The following AADACL2 variants were observed in gnomAD, a reference collection of about 807,000 sequenced individuals.
AADACL2 encodes the protein arylacetamide deacetylase-like 2.
Under a neutral mutation model 22.3 loss-of-function variants are expected in AADACL2, and 23 were observed. The ratio of observed to expected loss-of-function variants is 1.03; its 90% confidence interval spans 0.74 to 1.46. The LOEUF is 1.46. Among genes scored for constraint, AADACL2 ranks in the 40% most tolerant of loss-of-function variants. The pLI is 0.00. For synonymous variants in AADACL2, 177 were observed against 166.2 expected (o/e 1.07, Z -0.50); for missense variants, 472 against 482.9 (o/e 0.98, Z 0.21).
chr3:151,758,386 T>G lies in AADACL2; in HGVS notation c.*792T>G, dbSNP rs1714029514. On this transcript the variant is annotated 3_prime_UTR_variant, in exon 5 of 5. Transcript: ENST00000356517. ...TTACATTTAGGAGGGTCCACCTGAA[T>G]AGTCTAGGATAATCTCTGCATCTCA... The G allele has an allele frequency of 6.6e-6, 1 of 152,110 alleles. No homozygotes were observed. The highest frequency in any genetic ancestry group is 2.4e-5 in the African/African-American group (1 of 41,412). 9.4% of individuals were successfully genotyped at this position (152,110 alleles called of 1,614,324 possible).
chr3:151,753,018 A>G (rs958893710), intron 4 of AADACL2, among the ~76,000 whole-genome samples: 17 of 152,212 alleles, frequency 1.1e-4, no homozygotes, highest in African/African-American at 4.1e-4. Context: ...AAAACAGTTT[A>G]ATAGCAAATA....
At position 151,757,691 on chromosome 3, in the gene AADACL2, A is replaced by G; in HGVS notation, c.*97A>G. 2 of 1,421,068 alleles carry G rather than the reference A, an allele frequency of 1.4e-6. No individual in the cohort carries two copies. Among genetic ancestry groups the G allele is most frequent in the Non-Finnish European group, 1.9e-6 (2 of 1,058,580 alleles). 88.0% of individuals were successfully genotyped at this position (1,421,068 alleles called of 1,614,324 possible). On this transcript the variant is annotated 3_prime_UTR_variant, in exon 5 of 5. Transcript: ENST00000356517. Reference sequence around the variant, plus strand: ...GAACAATGTCATTTGAGTTATCTAAATCTACATTTGCAACATTTGTAGCAG... The same window carrying G: ...GAACAATGTCATTTGAGTTATCTAAGTCTACATTTGCAACATTTGTAGCAG...
chr3:151,753,167 T>C (rs1340834372), intron 4 of AADACL2, among the ~76,000 whole-genome samples: 1 of 152,194 alleles, frequency 6.6e-6, no homozygotes, highest in Non-Finnish European at 1.5e-5. Flanking sequence ...TACCTCTGTG[T>C]AATCACTGCA....
At chr3:151,739,705 C>G (rs1303011715) in intron 1 of AADACL2, among the ~76,000 whole-genome samples, 1 of 152,156 alleles carries the variant, frequency 6.6e-6, no homozygotes, top group Non-Finnish European at 1.5e-5. Context: ...TTCAGAGATG[C>G]CCTGTCAAGT....
At chr3:151,756,705 ATC>A (rs1292257800) in intron 4 of AADACL2, among the ~76,000 whole-genome samples, 7 of 147,178 alleles carry the variant, frequency 4.8e-5, no homozygotes, top group Non-Finnish European at 1.1e-4. Flanking sequence ...AATCCTGTGT[ATC>A]TCTCTCGCCT....
At chr3:151,743,788 G>T (rs1191893665) in intron 2 of AADACL2, among the ~76,000 whole-genome samples, 1 of 152,102 alleles carries the variant, frequency 6.6e-6, no homozygotes, top group East Asian at 1.9e-4. Flanking sequence ...GTCCTGGGAA[G>T]GGTCATTGTG....
intron 4 of AADACL2, among the ~76,000 whole-genome samples, chr3:151,748,295 G>T (rs536164672): frequency 6.6e-6 from 1 of 152,214 alleles, no homozygotes; most frequent in South Asian, 2.1e-4. Context: ...TTTTGTATAT[G>T]AAATGAAATG....
Position 151,757,669 on chromosome 3 carries a change from C to G in AADACL2, c.*75C>G. The stretch of plus-strand genomic sequence containing the variant: ...TATTTTGTGGTTTTGGAGCAAAGAA[C>G]AATGTCATTTGAGTTATCTAAATCT... On this transcript the variant is annotated 3_prime_UTR_variant, in exon 5 of 5. Transcript: ENST00000356517. The G allele has an allele frequency of 6.8e-7, 1 of 1,475,422 alleles. No individual in the cohort carries two copies. The highest frequency in any genetic ancestry group is 9.1e-7 in the Non-Finnish European group (1 of 1,099,472). The allele number at this position is 1,475,422 out of a possible 1,614,324, so 91.4% of individuals were successfully genotyped here.
At chr3:151,740,598 G>T in intron 1 of AADACL2, 48 bp from the exon 2 acceptor site, 1 of 1,210,440 alleles carries the variant, frequency 8.3e-7, no homozygotes. Context: ...TATATTTGGT[G>T]TTATTTAAAT....
rs188465552 is a variant in AADACL2, at chr3:151,761,192, T to C, written c.*3598T>C. On this transcript the variant is annotated 3_prime_UTR_variant, in exon 5 of 5. Coordinates refer to ENST00000356517, the MANE Select transcript of AADACL2 (RefSeq NM_207365.4). ...ATATATTTATATATATGGTGAGATA[T>C]ATACATATTGTGATATATATATATA... The C allele has an allele frequency of 4.2e-3, 533 of 127,952 alleles. 2 individuals carry two copies. Among genetic ancestry groups the C allele is most frequent in the Non-Finnish European group, 7.0e-3 (426 of 60,752 alleles). The allele number at this position is 127,952 out of a possible 1,614,324, so 7.9% of individuals were successfully genotyped here. A position where few individuals can be genotyped will look rare whatever the true frequency, so the allele number is the denominator to read the frequency against.
intron 1 of AADACL2, among the ~76,000 whole-genome samples, chr3:151,734,894 C>T (rs1172943687): frequency 6.6e-6 from 1 of 152,122 alleles, no homozygotes; most frequent in African/African-American, 2.4e-5. Context: ...TATAAACTGT[C>T]TCATTTTGAA....
chr3:151,757,287 C>T lies in AADACL2; in HGVS notation c.899C>T (p.Pro300Leu), dbSNP rs1344754546. Residue 300 changes from proline to leucine, a missense_variant, in exon 5 of 5, where the codon CCA becomes CTA. Around this residue, in one of 3 missense-constraint regions of AADACL2, gnomAD observed 356 missense variants for 365.5 expected, o/e 0.97. Coordinates refer to ENST00000356517, the MANE Select transcript of AADACL2 (RefSeq NM_207365.4). ...KYRKDYVYTE[P>L]ILGGLSYSLP... ...AGAAAAGACTATGTATATACTGAAC[C>T]AATTCTTGGAGGACTTAGTTATTCA... The T allele has an allele frequency of 6.2e-7, 1 of 1,613,694 alleles. No individual in the cohort carries two copies. Among genetic ancestry groups the T allele is most frequent in the Non-Finnish European group, 8.5e-7 (1 of 1,179,696 alleles).
rs140579681 is a variant in AADACL2 at position 151,741,999 on chromosome 3, T to A, written c.361+1131T>A. On this transcript the variant is annotated intron_variant, in intron 2 of 4. Transcript: ENST00000356517. ...AATATTTTGGTTTTATATTTACACA[T>A]TATTTGTTTTCAGATCTCCCAAACA... Among the ~76,000 whole-genome samples the A allele has an allele frequency of 7.2e-3, 1,091 of 152,286 alleles. 13 individuals carry two copies. The highest frequency in any genetic ancestry group is 0.025 in the African/African-American group (1,030 of 41,564).
chr3:151,735,751 C>T (rs1030670013), intron 1 of AADACL2, among the ~76,000 whole-genome samples: 3 of 151,960 alleles, frequency 2.0e-5, no homozygotes, highest in Admixed American at 2.0e-4. Context: ...GAGCAAGACT[C>T]CTTCTCAAAA....
chr3:151,737,661 T>G (rs975786994), intron 1 of AADACL2, among the ~76,000 whole-genome samples: 2 of 152,194 alleles, frequency 1.3e-5, no homozygotes, highest in Non-Finnish European at 2.9e-5. Flanking sequence ...TGGATGCATA[T>G]ATATTTAGGA....
In AADACL2 at chr3:151,761,145, ATATATATATATAT is replaced by A. The variant is rs1560290229; in HGVS notation, c.*3552_*3564del. ...GAGATATATATTTATATATGGTGAG[ATATATATATATAT>A]GGTGAGATATATATTTATATATATG... On this transcript the variant is annotated 3_prime_UTR_variant, in exon 5 of 5. Transcript: ENST00000356517. 5.4e-5 allele frequency: 5 copies of A among 93,026 alleles called. No individual in the cohort carries two copies. In the East Asian group the frequency reaches 1.3e-3, roughly 24 times the overall value. The allele number at this position is 93,026 out of a possible 1,614,324, so 5.8% of individuals were successfully genotyped here.
chr3:151,751,447 G>GT (rs2107988346), intron 4 of AADACL2: 1 of 152,258 alleles, frequency 6.6e-6, no homozygotes, highest in South Asian at 2.1e-4. Context: ...GCTCACCTCT[G>GT]TAGTCCCAGC....
intron 4 of AADACL2, among the ~76,000 whole-genome samples, chr3:151,749,831 G>A (rs1226854119): frequency 6.6e-6 from 1 of 151,958 alleles, no homozygotes; most frequent in Non-Finnish European, 1.5e-5. Flanking sequence ...TTCTGTTTTT[G>A]TTTGTTTTTT....
chr3:151,748,248 T>C (rs947761933), intron 4 of AADACL2, among the ~76,000 whole-genome samples: 1 of 152,216 alleles, frequency 6.6e-6, no homozygotes. Context: ...AGTTTTATAT[T>C]AAGTGTTAGA....
Sources: allele counts gnomAD v4.1 joint callset (sites outside exome capture counted in the v4.1 genomes callset), GRCh38; gene constraint gnomAD v4.1.1; regional missense constraint gnomAD v4.1.1; transcripts MANE v1.5; gene names NCBI Gene and HGNC (gene_info 2026-07-23, HGNC 2026-07-21).